The following MGRN1 variants were observed in gnomAD, a reference collection of about 807,000 sequenced individuals.
MGRN1 encodes the protein E3 ubiquitin-protein ligase MGRN1.
MGRN1 carries 29 observed loss-of-function variants against 69.2 expected under a neutral mutation model. The observed-to-expected ratio is 0.42, with a 90% CI of 0.31 to 0.57. The LOEUF (loss-of-function observed/expected upper bound fraction) is 0.57, where lower values mean the gene tolerates loss of function less well. Among genes scored for constraint, MGRN1 ranks in the 20% least tolerant of loss-of-function variants. The probability of loss-of-function intolerance (pLI) is 0.15; values close to 1 mark genes in which losing one functional copy is unlikely to be tolerated. For missense variants in MGRN1, 998 were observed against 796.2 expected (o/e 1.25, Z -3.05); for synonymous variants, 470 against 344.2 (o/e 1.37, Z -4.04).
intron 12 of MGRN1, chr16:4,680,391 C>T (rs1296555848): frequency 1.5e-5 from 6 of 392,748 alleles, no homozygotes; most frequent in Admixed American, 4.5e-5. Flanking sequence ...GTGGAATGGA[C>T]GTTGCAGGCG....
intron 5 of MGRN1, among the ~76,000 whole-genome samples, chr16:4,658,636 C>G (rs558247060): frequency 6.6e-6 from 1 of 152,006 alleles, no homozygotes; most frequent in African/African-American, 2.4e-5. Context: ...AGCTGACTTA[C>G]GCTGGGGCCA....
At chr16:4,650,757 G>A (rs890850843) in intron 2 of MGRN1, 15 of 321,606 alleles carry the variant, frequency 4.7e-5, no homozygotes, top group Admixed American at 3.9e-4. Flanking sequence ...CAACGGCTGC[G>A]GAACATGGTG....
At chr16:4,659,434 G>A (rs1031000989) in intron 5 of MGRN1, among the ~76,000 whole-genome samples, 11 of 152,174 alleles carry the variant, frequency 7.2e-5, no homozygotes, top group African/African-American at 2.7e-4. Context: ...GTGAGCCATG[G>A]GTTTGCAGGT....
intron 16 of MGRN1, 117 bp from the exon 17 acceptor site, chr16:4,688,679 C>G (rs776639504): frequency 1.4e-6 from 2 of 1,448,362 alleles, no homozygotes; most frequent in Non-Finnish European, 1.8e-6. Context: ...TGGCCACAGG[C>G]GGCGGGAGTG....
intron 13 of MGRN1, among the ~76,000 whole-genome samples, 197 bp from the exon 14 acceptor site, chr16:4,682,626 G>A (rs2079214607): frequency 6.7e-6 from 1 of 149,092 alleles, no homozygotes; most frequent in Admixed American, 6.7e-5. Context: ...TGTCGGGCGG[G>A]TCTGTGGTGG....
At chr16:4,685,453 G>T (rs963909088) in intron 16 of MGRN1, among the ~76,000 whole-genome samples, 1 of 152,244 alleles carries the variant, frequency 6.6e-6, no homozygotes. Context: ...ACGGGGGCAG[G>T]CAGTCGTCAT....
At chr16:4,683,051 G>A (rs961473405) in intron 14 of MGRN1, 105 bp downstream of exon 14, 7 of 1,472,676 alleles carry the variant, frequency 4.8e-6, no homozygotes, top group African/African-American at 2.8e-5. Context: ...GGGCGCCCCC[G>A]TGCTTGTTGG....
chr16:4,639,418 C>T (rs891605740), intron 1 of MGRN1, among the ~76,000 whole-genome samples: 17 of 152,072 alleles, frequency 1.1e-4, no homozygotes, highest in Non-Finnish European at 2.1e-4. Flanking sequence ...CACTGGTCTG[C>T]AGAGCGGGGA....
Position 4,652,743 on chromosome 16 carries a change from A to G in MGRN1, c.362A>G (p.Glu121Gly), listed in dbSNP as rs770030855. 3.1e-6 allele frequency: 5 copies of G among 1,613,096 alleles called. No individual in the cohort carries two copies. Among genetic ancestry groups the G allele is most frequent in the East Asian group, 4.5e-5 (2 of 44,824 alleles). Residue 121 changes from glutamate (E) to glycine (G), a missense_variant, in exon 4 of 17, where the codon GAG (glutamate) becomes GGG (glycine). Coordinates refer to ENST00000262370, the MANE Select transcript of MGRN1 (RefSeq NM_015246.4). Reference sequence around the variant, plus strand: ...AAGCCCCGGGTGCTCTACAGCCTGGAGTTCACCTTCGACGCCGATGCCCGC... The same window carrying G: ...AAGCCCCGGGTGCTCTACAGCCTGGGGTTCACCTTCGACGCCGATGCCCGC... The part of the protein sequence containing the change: ...GDKPRVLYSL[E>G]FTFDADARVA...
intron 9 of MGRN1, chr16:4,672,404 C>G: frequency 2.2e-6 from 1 of 456,736 alleles, no homozygotes; most frequent in Non-Finnish European, 4.4e-6. Flanking sequence ...CTTAAGATCT[C>G]TTGGAAAGTC....
In MGRN1 at chr16:4,642,934, G is replaced by A. The variant is rs115307871; in HGVS notation, c.89-7431G>A. Among the ~76,000 whole-genome samples, 406 of 151,512 alleles carry A rather than the reference G, an allele frequency of 2.7e-3. 7 individuals carry two copies. Among genetic ancestry groups the A allele is most frequent in the African/African-American group, 9.3e-3 (381 of 41,142 alleles). On this transcript the variant is annotated intron_variant, in intron 1 of 16. Coordinates refer to ENST00000262370, the MANE Select transcript of MGRN1 (RefSeq NM_015246.4). The stretch of plus-strand genomic sequence containing the variant: ...CCCGAGTACCTTGGACTGCAAGTAC[G>A]CATCACCGTGCTAGCTAATTTTTTT...
chr16:4,670,686 C>T (rs1036974947), intron 8 of MGRN1, among the ~76,000 whole-genome samples: 1 of 152,230 alleles, frequency 6.6e-6, no homozygotes, highest in Non-Finnish European at 1.5e-5. Context: ...GAGATCCTGT[C>T]TATTTAAAAT....
chr16:4,659,167 A>AAATAC (rs2078619766), intron 5 of MGRN1: 1 of 151,860 alleles, frequency 6.6e-6, no homozygotes, highest in Non-Finnish European at 1.5e-5. Context: ...AGGTAAAAAA[A>AAATAC]AAATAAAAAT....
intron 5 of MGRN1, among the ~76,000 whole-genome samples, chr16:4,660,738 G>A (rs1366380926): frequency 6.6e-6 from 1 of 152,120 alleles, no homozygotes; most frequent in African/African-American, 2.4e-5. Flanking sequence ...GTGTGGGAGC[G>A]TTGCCAGGCA....
intron 1 of MGRN1, among the ~76,000 whole-genome samples, chr16:4,634,048 A>G (rs921183812): frequency 4.6e-5 from 7 of 152,340 alleles, no homozygotes; most frequent in African/African-American, 1.4e-4. Context: ...TGCAGCTGCC[A>G]TTGGGGGCAA....
chr16:4,641,090 C>G (rs2078146163), intron 1 of MGRN1, among the ~76,000 whole-genome samples: 1 of 152,238 alleles, frequency 6.6e-6, no homozygotes. Flanking sequence ...CTCACAGTCT[C>G]CTTTTCTTTT....
At chr16:4,638,813 C>T (rs1053270029) in intron 1 of MGRN1, among the ~76,000 whole-genome samples, 1 of 152,226 alleles carries the variant, frequency 6.6e-6, no homozygotes, top group Non-Finnish European at 1.5e-5. Flanking sequence ...CCCCTGCAGA[C>T]ACCTCGTGGC....
chr16:4,648,629 G>A (rs2078330982), intron 1 of MGRN1, among the ~76,000 whole-genome samples: 1 of 108,076 alleles, frequency 9.3e-6, no homozygotes, highest in Admixed American at 8.6e-5. Context: ...CTCCTCCCGG[G>A]ACTCTTCCCG....
chr16:4,641,417 T>G (rs2078154090), intron 1 of MGRN1, among the ~76,000 whole-genome samples: 1 of 146,558 alleles, frequency 6.8e-6, no homozygotes, highest in African/African-American at 2.4e-5. Context: ...GGCCCAATCA[T>G]AGCTCACTGC....
Sources: gnomAD v4.1 joint callset for allele counts (sites outside exome capture counted in the v4.1 genomes callset) on GRCh38, gnomAD v4.1.1 for gene constraint, MANE v1.5 for transcripts, NCBI Gene and HGNC (gene_info 2026-07-23, HGNC 2026-07-21) for gene names.